The following TMEM167A variants were observed in gnomAD, a reference collection of about 807,000 sequenced individuals.
TMEM167A encodes transmembrane protein 167A, also known as protein kish-A.
In TMEM167A, 8 loss-of-function variants were observed where a neutral mutation model predicts 11.6. The observed-to-expected ratio is 0.69, with a 90% CI of 0.40 to 1.24. The LOEUF (loss-of-function observed/expected upper bound fraction) is 1.24, where lower values mean the gene tolerates loss of function less well. Among genes scored for constraint, TMEM167A ranks in the 50% most tolerant of loss-of-function variants. The pLI, the probability that TMEM167A is intolerant of heterozygous loss-of-function variation, is 0.01. For synonymous variants in TMEM167A, 22 were observed against 28.0 expected (o/e 0.79, Z 0.67); for missense variants, 62 against 87.0 (o/e 0.71, Z 1.14).
intron 1 of TMEM167A, among the ~76,000 whole-genome samples, chr5:83,069,548 T>C (rs960338711): frequency 6.6e-6 from 1 of 152,122 alleles, no homozygotes; most frequent in African/African-American, 2.4e-5. Flanking sequence ...ACATGCTATC[T>C]GTTCTTGCCT....
At chr5:83,058,877 G>C (rs1744368962) in intron 3 of TMEM167A, among the ~76,000 whole-genome samples, 1 of 152,062 alleles carries the variant, frequency 6.6e-6, no homozygotes, top group African/African-American at 2.4e-5. Context: ...GTCTGTATAA[G>C]TGAATGTAAA....
Position 83,056,022 on chromosome 5 carries a change from T to C in TMEM167A, c.*1062A>G, listed in dbSNP as rs775421306. The C allele has an allele frequency of 2.6e-5, 4 of 152,100 alleles. No homozygotes were observed. The highest frequency in any genetic ancestry group is 4.1e-4 in the South Asian group (2 of 4,828). 9.4% of individuals were successfully genotyped at this position (152,100 alleles called of 1,614,324 possible). ...TCTATTGTAAAATTTAGAAGTCACA[T>C]TCCTAATATTCCTCTCGCCTAGACT... is the stretch of plus-strand genomic sequence containing the variant. On this transcript the variant is annotated 3_prime_UTR_variant, in exon 4 of 4. Transcript: ENST00000502346.
At chr5:83,069,979 T>G (rs10514246) in intron 1 of TMEM167A, among the ~76,000 whole-genome samples, 48,094 of 152,000 alleles carry the variant, frequency 0.32, 8,877 homozygotes, top group Non-Finnish European at 0.42. Flanking sequence ...GCATATATGC[T>G]TACTTCTCAA....
chr5:83,073,346 T>C (rs1416431177), intron 1 of TMEM167A, among the ~76,000 whole-genome samples: 3 of 152,052 alleles, frequency 2.0e-5, no homozygotes, highest in East Asian at 1.9e-4. Flanking sequence ...CCAAAAGATA[T>C]ATAACAAAAA....
intron 2 of TMEM167A, among the ~76,000 whole-genome samples, chr5:83,064,708 A>G (rs1744456388): frequency 6.6e-6 from 1 of 152,112 alleles, no homozygotes; most frequent in Non-Finnish European, 1.5e-5. Context: ...CTACAAGGAG[A>G]TGGAGTATTA....
chr5:83,057,848 A>C (rs1444628446), intron 3 of TMEM167A, among the ~76,000 whole-genome samples: 2 of 152,040 alleles, frequency 1.3e-5, no homozygotes, highest in Non-Finnish European at 2.9e-5. Context: ...TAAATCTCAA[A>C]CTGGCTTGTG....
chr5:83,076,697 G>C (rs1371524403), intron 1 of TMEM167A, among the ~76,000 whole-genome samples: 1 of 152,218 alleles, frequency 6.6e-6, no homozygotes, highest in African/African-American at 2.4e-5. Context: ...TTGGCACATG[G>C]ACCTGGAGGT....
At chr5:83,061,816 C>T in intron 3 of TMEM167A, 61 bp downstream of exon 3, 1 of 1,452,262 alleles carries the variant, frequency 6.9e-7, no homozygotes. Flanking sequence ...GAGATTATAA[C>T]CTAAGTAAAT....
intron 1 of TMEM167A, among the ~76,000 whole-genome samples, chr5:83,069,601 C>A (rs191873323): frequency 5.3e-5 from 8 of 152,156 alleles, no homozygotes; most frequent in African/African-American, 1.9e-4. Flanking sequence ...ACTCAAGATT[C>A]ACCTCCTCTG....
chr5:83,062,057 G>A, intron 2 of TMEM167A, 146 bp from the exon 3 acceptor site: 1 of 622,430 alleles, frequency 1.6e-6, no homozygotes, highest in South Asian at 2.1e-5. Flanking sequence ...CTTATTTGAT[G>A]TTGAGCCACC....
chr5:83,066,025 A>G (rs1292464412), intron 1 of TMEM167A, among the ~76,000 whole-genome samples: 1 of 152,128 alleles, frequency 6.6e-6, no homozygotes, highest in East Asian at 1.9e-4. Context: ...TTATTATAAT[A>G]TTCATTTCTG....
chr5:83,060,533 C>A (rs565117036), intron 3 of TMEM167A, among the ~76,000 whole-genome samples: 1 of 147,852 alleles, frequency 6.8e-6, no homozygotes, highest in Non-Finnish European at 1.5e-5. Context: ...ATTTATTATT[C>A]AAGAATACTG....
chr5:83,058,777 T>G (rs1383539427), intron 3 of TMEM167A, among the ~76,000 whole-genome samples: 1 of 152,108 alleles, frequency 6.6e-6, no homozygotes, highest in Non-Finnish European at 1.5e-5. Flanking sequence ...TTTTCCTGTT[T>G]TTAATTTTCT....
intron 3 of TMEM167A, among the ~76,000 whole-genome samples, chr5:83,061,120 A>C (rs1206653106): frequency 6.6e-6 from 1 of 152,182 alleles, no homozygotes; most frequent in Non-Finnish European, 1.5e-5. Context: ...CTATGACCAC[A>C]TGGGTTCAAT....
chr5:83,061,998 G>A, intron 2 of TMEM167A, 87 bp from the exon 3 acceptor site: 1 of 1,089,650 alleles, frequency 9.2e-7, no homozygotes, highest in Non-Finnish European at 1.4e-6. Flanking sequence ...GGAATTAATT[G>A]TATATTAACA....
intron 2 of TMEM167A, chr5:83,064,432 C>A (rs1299413082): frequency 4.4e-6 from 2 of 455,484 alleles, no homozygotes; most frequent in African/African-American, 2.1e-5. Flanking sequence ...ACTTAAATAT[C>A]TTAGATGGAC....
rs2112236534 is a variant in TMEM167A, at chr5:83,056,020, C to G, written c.*1064G>C. 1 of 152,070 alleles carries G rather than the reference C, an allele frequency of 6.6e-6. No homozygotes were observed. Among genetic ancestry groups the G allele is most frequent in the Admixed American group, 6.6e-5 (1 of 15,244 alleles). The allele number at this position is 152,070 out of a possible 1,614,324, so 9.4% of individuals were successfully genotyped here. A position where few individuals can be genotyped will look rare whatever the true frequency, so the allele number is the denominator to read the frequency against. ...GCTCTATTGTAAAATTTAGAAGTCACATTCCTAATATTCCTCTCGCCTAGA... is the reference window on the plus strand; with the variant it reads ...GCTCTATTGTAAAATTTAGAAGTCAGATTCCTAATATTCCTCTCGCCTAGA... On this transcript the variant is annotated 3_prime_UTR_variant, in exon 4 of 4. Transcript: ENST00000502346.
chr5:83,070,680 CCTCTAAAAAATGTT>C (rs1744546633), intron 1 of TMEM167A, among the ~76,000 whole-genome samples: 1 of 151,988 alleles, frequency 6.6e-6, no homozygotes, highest in Non-Finnish European at 1.5e-5. Context: ...TGTTGACAAA[CCTCTAAAAAATGTT>C]CTATTTTCAA....
chr5:83,057,278 G>C (rs890696029), intron 3 of TMEM167A, 124 bp from the exon 4 acceptor site: 9 of 776,482 alleles, frequency 1.2e-5, no homozygotes, highest in Admixed American at 4.6e-5. Flanking sequence ...TTGGGGGTGG[G>C]GCAGTGACAA....
Sources: gnomAD v4.1 joint callset for allele counts (sites outside exome capture counted in the v4.1 genomes callset) on GRCh38, gnomAD v4.1.1 for gene constraint, MANE v1.5 for transcripts, NCBI Gene and HGNC (gene_info 2026-07-23, HGNC 2026-07-21) for gene names.